MAP4: variants seen among roughly 807,000 people sequenced by gnomAD.
The protein encoded by MAP4 is microtubule associated protein 4.
Under a neutral mutation model 170.2 loss-of-function variants are expected in MAP4, and 76 were observed. The ratio of observed to expected loss-of-function variants is 0.45; its 90% confidence interval spans 0.37 to 0.54. The LOEUF (loss-of-function observed/expected upper bound fraction) is 0.54. Ranked by LOEUF, MAP4 falls within the 20% of genes least tolerant of loss-of-function variation. The pLI is 0.00. For synonymous variants in MAP4, 909 were observed against 994.5 expected, an observed-to-expected ratio of 0.91 and a Z score of 1.62; for missense variants, 2,506 against 2,748.0, an observed-to-expected ratio of 0.91 and a Z score of 1.97.
intron 3 of MAP4, among the ~76,000 whole-genome samples, chr3:47,941,225 A>G (rs1343099488): frequency 1.1e-5 from 1 of 93,446 alleles, no homozygotes; most frequent in African/African-American, 3.2e-5. Context: ...TCTACCAAAA[A>G]AAAAAAAAAA....
chr3:47,968,388 A>G (rs992270032), intron 3 of MAP4, among the ~76,000 whole-genome samples: 8 of 152,234 alleles, frequency 5.3e-5, no homozygotes, highest in Non-Finnish European at 8.8e-5. Context: ...GGATTGAAAG[A>G]ATACCAATTA....
At chr3:48,059,075 G>A (rs532428560) in intron 1 of MAP4, among the ~76,000 whole-genome samples, 96 of 152,138 alleles carry the variant, frequency 6.3e-4, no homozygotes, top group African/African-American at 2.1e-3. Context: ...CACCGTGCCC[G>A]GCATTACAAC....
At chr3:48,047,011 G>A (rs937359167) in intron 1 of MAP4, among the ~76,000 whole-genome samples, 6 of 151,766 alleles carry the variant, frequency 4.0e-5, no homozygotes, top group African/African-American at 1.5e-4. Flanking sequence ...GGAGAATGGC[G>A]TGAACCCAGG....
intron 1 of MAP4, among the ~76,000 whole-genome samples, chr3:48,050,438 A>G (rs908456836): frequency 6.6e-6 from 1 of 152,038 alleles, no homozygotes; most frequent in Non-Finnish European, 1.5e-5. Flanking sequence ...CTCTTCATAG[A>G]AATCCAAATA....
rs766590703 is a variant in MAP4, at chr3:47,928,349, C to A, written c.294G>T (p.Gly98=). 1.2e-6 allele frequency: 2 copies of A among 1,613,848 alleles called. No individual in the cohort carries two copies. Among genetic ancestry groups the A allele is most frequent in the East Asian group, 4.5e-5 (2 of 44,878 alleles). Residue 98 remains glycine, a splice_region_variant and synonymous_variant, in exon 4 of 21, where the codon GGG becomes GGT. Coordinates refer to ENST00000683076, the MANE Select transcript of MAP4 (RefSeq NM_001385682.1). ...GHGVEGSDTT[G]SPTEFLEEKM... is the part of the protein sequence containing the mutation. The stretch of plus-strand genomic sequence containing the variant: ...TCTCTTCAAGGAATTCAGTTGGAGA[C>A]CCTTAAAATAGAGACACAAAACAAA...
upstream of MAP4, among the ~76,000 whole-genome samples, chr3:48,020,497 T>C (rs1171256379): frequency 2.0e-5 from 3 of 152,140 alleles, no homozygotes; most frequent in African/African-American, 7.2e-5. Context: ...AAGGAGAAGA[T>C]ACAAACTCTA....
intron 3 of MAP4, among the ~76,000 whole-genome samples, chr3:47,956,817 A>G (rs562216701): frequency 6.6e-6 from 1 of 152,232 alleles, no homozygotes; most frequent in African/African-American, 2.4e-5. Context: ...GGAAAAAATC[A>G]TCATGAAGGC....
intron 1 of MAP4, among the ~76,000 whole-genome samples, chr3:48,086,796 T>C (rs889198780): frequency 1.3e-5 from 2 of 152,228 alleles, no homozygotes; most frequent in African/African-American, 2.4e-5. Context: ...ATTGTGCACA[T>C]GGCACTTAAT....
chr3:48,070,517 T>C (rs2100140416), intron 1 of MAP4, among the ~76,000 whole-genome samples: 1 of 150,236 alleles, frequency 6.7e-6, no homozygotes, highest in Admixed American at 6.6e-5. Context: ...AAATGGGGTC[T>C]CACTATGCTG....
At chr3:47,990,775 T>C (rs1216312770) in intron 2 of MAP4, among the ~76,000 whole-genome samples, 1 of 152,170 alleles carries the variant, frequency 6.6e-6, no homozygotes, top group African/African-American at 2.4e-5. Flanking sequence ...ATAATGCTGA[T>C]AATGAACAAT....
chr3:47,959,176 ATG>A (rs2100069802), intron 3 of MAP4, among the ~76,000 whole-genome samples: 2 of 152,164 alleles, frequency 1.3e-5, no homozygotes, highest in Non-Finnish European at 2.9e-5. Context: ...ATGTATATAC[ATG>A]AAGGTGGCCG....
chr3:47,937,643 C>T (rs981005037), intron 3 of MAP4, among the ~76,000 whole-genome samples: 1 of 147,998 alleles, frequency 6.8e-6, no homozygotes, highest in Admixed American at 6.8e-5. Context: ...AACAGCTTTT[C>T]CTTTTTCTTC....
intron 1 of MAP4, among the ~76,000 whole-genome samples, chr3:48,082,221 C>T (rs1298348129): frequency 1.3e-5 from 2 of 152,068 alleles, no homozygotes; most frequent in Non-Finnish European, 2.9e-5. Context: ...TCAACGCTGC[C>T]GCAGGCAAGA....
chr3:47,931,040 A>G (rs550564341), intron 3 of MAP4, among the ~76,000 whole-genome samples: 2 of 152,182 alleles, frequency 1.3e-5, no homozygotes, highest in Non-Finnish European at 2.9e-5. Context: ...GGGAAATGCA[A>G]ATTAAAACTA....
intron 2 of MAP4, chr3:47,987,386 G>T (rs2100089367): frequency 6.5e-7 from 1 of 1,532,548 alleles, no homozygotes; most frequent in Non-Finnish European, 8.7e-7. Context: ...CACTTACCAA[G>T]AGGAAGATGA....
intron 1 of MAP4, among the ~76,000 whole-genome samples, chr3:48,030,628 G>A (rs533319501): frequency 4.6e-5 from 7 of 151,396 alleles, no homozygotes; most frequent in Admixed American, 2.0e-4. Context: ...ATTAAAACCC[G>A]TCTCTATAAA....
chr3:47,987,453 G>A, intron 2 of MAP4: 1 of 1,483,678 alleles, frequency 6.7e-7, no homozygotes, highest in Non-Finnish European at 9.0e-7. Context: ...AAAGGGAACA[G>A]AAGTCAGGGA....
At chr3:47,876,180 C>CTGGAT (rs1395376288) in intron 11 of MAP4, among the ~76,000 whole-genome samples, 6 of 148,032 alleles carry the variant, frequency 4.1e-5, no homozygotes, top group Admixed American at 6.8e-5. Context: ...GTCGCCCAGG[C>CTGGAT]TGGAGTGCAG....
In MAP4 at chr3:47,880,304, T is replaced by TTCA. The variant is rs1414148793; in HGVS notation, c.5435-2784_5435-2782dup. The stretch of plus-strand genomic sequence containing the variant: ...TTTGCATTTTTAGTAGAGATGGGGT[T>TTCA]TCACCATGTTAGCCAGGATGGTCTC... On this transcript the variant is annotated intron_variant, in intron 10 of 20. Coordinates refer to ENST00000683076, the MANE Select transcript of MAP4 (RefSeq NM_001385682.1). Among the ~76,000 whole-genome samples, 266 of 147,640 alleles carry TTCA rather than the reference T, an allele frequency of 1.8e-3. No homozygotes were observed. The Middle Eastern group carries it at 0.031, about 17-fold the overall frequency.
Sources: gnomAD v4.1 joint callset for allele counts (sites outside exome capture counted in the v4.1 genomes callset) on GRCh38, gnomAD v4.1.1 for gene constraint, MANE v1.5 for transcripts, NCBI Gene and HGNC (gene_info 2026-07-23, HGNC 2026-07-21) for gene names.